NUDCD3: variants seen among roughly 807,000 people sequenced by gnomAD.
The protein encoded by NUDCD3 is NudC domain containing 3, also known as nudC domain-containing protein 3.
A neutral mutation model predicts 39.7 loss-of-function variants in NUDCD3; 13 were observed. That is an observed-to-expected ratio of 0.33 (90% CI 0.21 to 0.52). The LOEUF (loss-of-function observed/expected upper bound fraction) is 0.52, where lower values mean the gene tolerates loss of function less well. Ranked by LOEUF, NUDCD3 falls within the 20% of genes least tolerant of loss-of-function variation. The pLI is 0.96. For synonymous variants in NUDCD3, 175 were observed against 172.4 expected (o/e 1.02, Z -0.12); for missense variants, 453 against 458.1 (o/e 0.99, Z 0.10).
rs569838289 is a variant in NUDCD3, at chr7:44,420,945, T to C, written c.642+6626A>G. ...ACTATGAAGAAACTGCATCAACTAA[T>C]GTGCAAAATAACCAGCTAGCATCAT... On this transcript the variant is annotated intron_variant, in intron 3 of 5. Coordinates refer to ENST00000355451, the MANE Select transcript of NUDCD3 (RefSeq NM_015332.4). Among the ~76,000 whole-genome samples the C allele has an allele frequency of 2.0e-5, 3 of 152,346 alleles. No homozygotes were observed. In the South Asian group the frequency reaches 6.2e-4, roughly 32 times the overall value.
intron 2 of NUDCD3, among the ~76,000 whole-genome samples, chr7:44,436,976 T>C (rs1246605035): frequency 6.6e-6 from 1 of 152,078 alleles, no homozygotes; most frequent in African/African-American, 2.4e-5. Flanking sequence ...TTCCTTAAAG[T>C]CTAAAAGAGA....
At chr7:44,388,821 G>A (rs897469995) in intron 5 of NUDCD3, among the ~76,000 whole-genome samples, 1 of 152,220 alleles carries the variant, frequency 6.6e-6, no homozygotes, top group Non-Finnish European at 1.5e-5. Flanking sequence ...TTTACTCTGG[G>A]GAGGGACACA....
chr7:44,388,361 G>A (rs1300380806), intron 5 of NUDCD3, among the ~76,000 whole-genome samples: 1 of 152,206 alleles, frequency 6.6e-6, no homozygotes, highest in Non-Finnish European at 1.5e-5. Context: ...TAACTCTCAC[G>A]ATAGTCTCTC....
intron 3 of NUDCD3, among the ~76,000 whole-genome samples, chr7:44,411,110 G>T: frequency 6.6e-6 from 1 of 152,112 alleles, no homozygotes; most frequent in East Asian, 1.9e-4. Flanking sequence ...AATGAAACTG[G>T]TCTAATAATT....
At chr7:44,405,578 A>G (rs1034319404) in intron 3 of NUDCD3, among the ~76,000 whole-genome samples, 2 of 152,218 alleles carry the variant, frequency 1.3e-5, no homozygotes, top group African/African-American at 4.8e-5. Context: ...ATGTGGAATA[A>G]AAATAATTTG....
chr7:44,422,915 C>T (rs1348775076), intron 3 of NUDCD3, among the ~76,000 whole-genome samples: 1 of 152,124 alleles, frequency 6.6e-6, no homozygotes. Flanking sequence ...AAACTGAATC[C>T]AGAAGCACAT....
intron 2 of NUDCD3, among the ~76,000 whole-genome samples, chr7:44,466,715 C>T (rs1800125812): frequency 6.6e-6 from 1 of 152,210 alleles, no homozygotes; most frequent in Non-Finnish European, 1.5e-5. Context: ...TAAGTGTTTT[C>T]TAGGTCACAG....
At chr7:44,431,321 T>C (rs951771143) in intron 2 of NUDCD3, among the ~76,000 whole-genome samples, 2 of 152,184 alleles carry the variant, frequency 1.3e-5, no homozygotes, top group Non-Finnish European at 2.9e-5. Context: ...CTCCCACTCC[T>C]GATGAGCTGG....
intron 3 of NUDCD3, among the ~76,000 whole-genome samples, chr7:44,410,269 G>A (rs1798897917): frequency 6.6e-6 from 1 of 152,008 alleles, no homozygotes; most frequent in South Asian, 2.1e-4. Context: ...CAAAAACAAG[G>A]AATAAAATCT....
chr7:44,469,115 C>CA (rs756247647), intron 2 of NUDCD3, among the ~76,000 whole-genome samples: 2,031 of 32,846 alleles, frequency 0.062, 202 homozygotes, highest in East Asian at 0.23. Context: ...ACAAACAAAC[C>CA]AAAAAAAAAA....
intron 2 of NUDCD3, among the ~76,000 whole-genome samples, chr7:44,464,315 A>G (rs1419927003): frequency 6.6e-6 from 1 of 152,182 alleles, no homozygotes; most frequent in East Asian, 1.9e-4. Flanking sequence ...CCAACTAGAA[A>G]GAAAAAGAGC....
chr7:44,436,082 A>T (rs1009585463), intron 2 of NUDCD3, among the ~76,000 whole-genome samples: 8 of 152,202 alleles, frequency 5.3e-5, no homozygotes, highest in African/African-American at 1.9e-4. Flanking sequence ...CAATGTTTAG[A>T]CCTTTGCTGG....
intron 2 of NUDCD3, among the ~76,000 whole-genome samples, chr7:44,474,077 G>A (rs1800309754): frequency 6.6e-6 from 1 of 151,918 alleles, no homozygotes; most frequent in Admixed American, 6.6e-5. Flanking sequence ...GTTGGAACTG[G>A]GCAATGAGCA....
intron 3 of NUDCD3, among the ~76,000 whole-genome samples, chr7:44,408,520 T>C (rs1163965630): frequency 6.6e-6 from 1 of 152,176 alleles, no homozygotes; most frequent in Non-Finnish European, 1.5e-5. Context: ...GCAAGAACCC[T>C]CAGGAAAACA....
intron 4 of NUDCD3, among the ~76,000 whole-genome samples, chr7:44,398,142 C>A (rs1798655577): frequency 6.6e-6 from 1 of 152,192 alleles, no homozygotes; most frequent in African/African-American, 2.4e-5. Context: ...CCCTGCCCCG[C>A]ATAGCATCTG....
chr7:44,468,124 G>T, intron 2 of NUDCD3: 1 of 1,607,868 alleles, frequency 6.2e-7, no homozygotes, highest in South Asian at 1.1e-5. Context: ...GCTTCCGGAA[G>T]TTCCTGGTCC....
intron 3 of NUDCD3, among the ~76,000 whole-genome samples, chr7:44,417,445 G>A (rs1242158943): frequency 1.3e-5 from 2 of 152,088 alleles, no homozygotes; most frequent in Non-Finnish European, 2.9e-5. Context: ...AGCTAACCTG[G>A]GTCTCTTGAG....
intron 2 of NUDCD3, chr7:44,467,852 C>T (rs767779279): frequency 1.5e-5 from 21 of 1,392,856 alleles, no homozygotes; most frequent in Non-Finnish European, 2.0e-5. Flanking sequence ...GGCTCTCTTC[C>T]TCGGCGCTGC....
At chr7:44,459,504 T>C (rs1408839499) in intron 2 of NUDCD3, among the ~76,000 whole-genome samples, 2 of 152,212 alleles carry the variant, frequency 1.3e-5, no homozygotes, top group Non-Finnish European at 2.9e-5. Flanking sequence ...TCATGTATTT[T>C]CTAATATTAT....
Sources: allele counts gnomAD v4.1 joint callset (sites outside exome capture counted in the v4.1 genomes callset), GRCh38; gene constraint gnomAD v4.1.1; transcripts MANE v1.5; gene names NCBI Gene and HGNC (gene_info 2026-07-23, HGNC 2026-07-21).